Variants in RASSF2 observed in about 807,000 individuals in gnomAD.
The protein encoded by RASSF2 is Ras association domain family member 2.
A neutral mutation model predicts 46.3 loss-of-function variants in RASSF2; 34 were observed. That is an observed-to-expected ratio of 0.73 (90% CI 0.56 to 0.98). The LOEUF (loss-of-function observed/expected upper bound fraction) is 0.98, where lower values mean the gene tolerates loss of function less well. RASSF2 is among the 50% of genes least tolerant of loss of function. RASSF2 has a pLI of 0.00. For synonymous variants in RASSF2, 158 were observed against 162.5 expected, an observed-to-expected ratio of 0.97 and a Z score of 0.21; for missense variants, 364 against 431.2, an observed-to-expected ratio of 0.84 and a Z score of 1.38.
chr20:4,799,704 G>A (rs2122547461), intron 3 of RASSF2, among the ~76,000 whole-genome samples: 1 of 152,338 alleles, frequency 6.6e-6, no homozygotes, highest in Non-Finnish European at 1.5e-5. Flanking sequence ...AGAAGTCCCT[G>A]GGGAAATCTG....
rs1925088730 is a variant in RASSF2, at chr20:4,784,283, G to A, written c.971C>T (p.Ala324Val). The part of the protein sequence containing the change: ...QRLEEIAETP[A>V]TI ...CCTCGTTCTCATGGCTCAGATTGTT[G>A]CTGGGGTCTCGGCTATCTCCTCCAG... Residue 324 changes from alanine to valine, a missense_variant, in exon 12 of 12, where the codon GCA (alanine) becomes GTA (valine). Coordinates refer to ENST00000379400, the MANE Select transcript of RASSF2 (RefSeq NM_014737.3). The A allele has an allele frequency of 6.2e-7, 1 of 1,613,532 alleles. No individual in the cohort carries two copies. Among genetic ancestry groups the A allele is most frequent in the Non-Finnish European group, 8.5e-7 (1 of 1,179,624 alleles).
intron 2 of RASSF2, among the ~76,000 whole-genome samples, chr20:4,809,584 C>T (rs1927607419): frequency 6.6e-6 from 1 of 152,198 alleles, no homozygotes; most frequent in South Asian, 2.1e-4. Context: ...TGTGCCTCTC[C>T]TGCACCCGGG....
chr20:4,798,128 G>A, intron 3 of RASSF2, 43 bp from the exon 4 acceptor site: 2 of 1,609,356 alleles, frequency 1.2e-6, no homozygotes, highest in Non-Finnish European at 1.7e-6. Context: ...ATCAGCTGAA[G>A]CCACTTATAA....
At chr20:4,821,292 A>G (rs978198245) in intron 2 of RASSF2, among the ~76,000 whole-genome samples, 1 of 152,098 alleles carries the variant, frequency 6.6e-6, no homozygotes, top group East Asian at 1.9e-4. Flanking sequence ...CCATGTGGAG[A>G]TGGAGAGAGG....
At chr20:4,814,007 G>A (rs1220984659) in intron 2 of RASSF2, among the ~76,000 whole-genome samples, 7 of 152,150 alleles carry the variant, frequency 4.6e-5, no homozygotes, top group Non-Finnish European at 8.8e-5. Flanking sequence ...AGGGGAGAGT[G>A]GAAAGTTGGT....
In RASSF2 at chr20:4,787,283, G is replaced by A. The variant is rs181876739; in HGVS notation, c.813+350C>T. On this transcript the variant is annotated intron_variant, in intron 10 of 11. Coordinates refer to ENST00000379400, the MANE Select transcript of RASSF2 (RefSeq NM_014737.3). ...GATTTGGCCTGGTTTCTCATGCTCCGCCATCTGCCATGAGGACCACACCCA... is the reference window on the plus strand; with the variant it reads ...GATTTGGCCTGGTTTCTCATGCTCCACCATCTGCCATGAGGACCACACCCA... Among the ~76,000 whole-genome samples, 294 of 152,226 alleles carry A rather than the reference G, an allele frequency of 1.9e-3. 2 individuals are homozygous for A. The highest frequency in any genetic ancestry group is 6.8e-3 in the African/African-American group (281 of 41,538).
chr20:4,807,316 T>A (rs1228529935), intron 2 of RASSF2, among the ~76,000 whole-genome samples: 1 of 141,748 alleles, frequency 7.1e-6, no homozygotes, highest in Admixed American at 7.0e-5. Context: ...GTGAAAATTT[T>A]AAACTTCTGT....
rs1318168182 is a variant in RASSF2, at chr20:4,783,618, T to C, written c.*655A>G. ...CCAGTGTAAAAATACGTGGGCTTAT[T>C]GCATCTACCCCACGGATGGTTTATC... On this transcript the variant is annotated 3_prime_UTR_variant, in exon 12 of 12. Coordinates refer to ENST00000379400, the MANE Select transcript of RASSF2 (RefSeq NM_014737.3). 1.3e-5 allele frequency: 2 copies of C among 152,704 alleles called. No individual in the cohort carries two copies. The highest frequency in any genetic ancestry group is 3.8e-4 in the East Asian group (2 of 5,198). The allele number at this position is 152,704 out of a possible 1,614,324, so 9.5% of individuals were successfully genotyped here. A position where few individuals can be genotyped will look rare whatever the true frequency, so the allele number is the denominator to read the frequency against.
Position 4,782,931 on chromosome 20 carries a change from C to T in RASSF2, c.*1342G>A, listed in dbSNP as rs1263145606. 1 of 152,256 alleles carries T rather than the reference C, an allele frequency of 6.6e-6. No individual in the cohort carries two copies. 9.4% of individuals were successfully genotyped at this position (152,256 alleles called of 1,614,324 possible). Reference sequence around the variant, plus strand: ...CAAACGATATCAGCTGCACTGATGCCCAGCTGCCTGTCAAGCTTCCTGATA... The same window carrying T: ...CAAACGATATCAGCTGCACTGATGCTCAGCTGCCTGTCAAGCTTCCTGATA... On this transcript the variant is annotated 3_prime_UTR_variant, in exon 12 of 12. Transcript: ENST00000379400.
rs6052883 is a variant in RASSF2 at position 4,795,652 on chromosome 20, T to G, written c.287+163A>C. On this transcript the variant is annotated intron_variant, in intron 5 of 11. Transcript: ENST00000379400. This position sits in a 1 kb window ranked among gnomAD's most constrained non-coding sequence, Gnocchi z 4.0. ...GGGGCTCAATCACAACCACATCTGC[T>G]GCTTGTTCCTCATTCCAAGGCTAAG... The G allele has an allele frequency of 2.6e-6, 2 of 772,184 alleles. No individual in the cohort carries two copies. The highest frequency in any genetic ancestry group is 3.0e-5 in the Admixed American group (1 of 33,806). 47.8% of individuals were successfully genotyped at this position (772,184 alleles called of 1,614,324 possible). A position where few individuals can be genotyped will look rare whatever the true frequency, so the allele number is the denominator to read the frequency against.
rs568030215 is a variant in RASSF2, at chr20:4,780,079, T to G, written c.*4194A>C. ...TCTAAGTCAGATGCATTAAAACATA[T>G]CAAAATGTTACAAAAATGTATGGCT... On this transcript the variant is annotated 3_prime_UTR_variant, in exon 12 of 12. Transcript: ENST00000379400. 6.5e-6 allele frequency: 1 copy of G among 152,672 alleles called. No homozygotes were observed. Among genetic ancestry groups the G allele is most frequent in the African/African-American group, 2.4e-5 (1 of 41,550 alleles). 9.5% of individuals were successfully genotyped at this position (152,672 alleles called of 1,614,324 possible).
chr20:4,786,911 C>A (rs566535820), intron 10 of RASSF2, among the ~76,000 whole-genome samples: 2 of 152,114 alleles, frequency 1.3e-5, no homozygotes, highest in South Asian at 2.1e-4. Flanking sequence ...GGTGAAACCC[C>A]GTCTCTACTA....
intron 2 of RASSF2, among the ~76,000 whole-genome samples, chr20:4,821,918 T>C (rs779354368): frequency 3.3e-5 from 5 of 152,252 alleles, no homozygotes; most frequent in Non-Finnish European, 7.3e-5. Context: ...CAAGGGTCTC[T>C]GATCCCAAAT....
intron 2 of RASSF2, among the ~76,000 whole-genome samples, chr20:4,803,731 T>C (rs1166675094): frequency 1.3e-5 from 2 of 151,738 alleles, no homozygotes; most frequent in Non-Finnish European, 2.9e-5. Context: ...CACTCTAGCC[T>C]GGGCAACAGA....
At chr20:4,786,805 C>T (rs1036754982) in intron 10 of RASSF2, among the ~76,000 whole-genome samples, 11 of 152,200 alleles carry the variant, frequency 7.2e-5, no homozygotes, top group Middle Eastern at 3.4e-3. Flanking sequence ...AAAACGGTGC[C>T]AGGCATCGTG....
chr20:4,798,058 G>T lies in RASSF2; in HGVS notation c.87C>A (p.Thr29=). The T allele has an allele frequency of 3.1e-6, 5 of 1,613,836 alleles. No homozygotes were observed. The highest frequency in any genetic ancestry group is 4.2e-6 in the Non-Finnish European group (5 of 1,179,858). Residue 29 remains threonine (T), a synonymous_variant, in exon 4 of 12, where the codon ACC becomes ACA. Transcript: ENST00000379400. ...SKNELLLHLK[T]YNLYYEGQNL... ...TCTGGCCTTCATAGTACAAGTTGTA[G>T]GTCTTCAGATGCAAGAGAAGTTCAT...
In RASSF2 at chr20:4,815,289, C is replaced by A. The variant is rs561381991; in HGVS notation, c.-33+7040G>T. On this transcript the variant is annotated intron_variant, in intron 2 of 11. Transcript: ENST00000379400. Reference sequence around the variant, plus strand: ...CCCCAACTACGTGGCACCATGGCCCCGACTGTACACAAAAGAGCCATCCTT... The same window carrying A: ...CCCCAACTACGTGGCACCATGGCCCAGACTGTACACAAAAGAGCCATCCTT... Among the ~76,000 whole-genome samples the A allele has an allele frequency of 7.2e-5, 11 of 152,154 alleles. 1 individual carries two copies. Among genetic ancestry groups the A allele is most frequent in the Middle Eastern group, 6.3e-3 (2 of 316 alleles).
intron 4 of RASSF2, among the ~76,000 whole-genome samples, chr20:4,797,224 G>A (rs1364610600): frequency 6.6e-5 from 10 of 152,180 alleles, no homozygotes; most frequent in Non-Finnish European, 1.3e-4. Flanking sequence ...TCTAAGTGGA[G>A]TGGTTTGAGG....
In RASSF2 at chr20:4,800,544, T is replaced by C. The variant is rs572445298; in HGVS notation, c.59+428A>G. 3.0e-4 allele frequency among the ~76,000 whole-genome samples: 46 copies of C among 152,284 alleles called. 1 individual carries two copies. The highest frequency in any genetic ancestry group is 2.7e-3 in the Admixed American group (41 of 15,288). ...GGAAAAACAATCTCCCTTGGCCTTT[T>C]ATAAGGGTACTTAGATCTAATCACA... On this transcript the variant is annotated intron_variant, in intron 3 of 11. Coordinates refer to ENST00000379400, the MANE Select transcript of RASSF2 (RefSeq NM_014737.3).
Sources: allele counts gnomAD v4.1 joint callset (sites outside exome capture counted in the v4.1 genomes callset), GRCh38; gene constraint gnomAD v4.1.1; non-coding constraint Gnocchi (gnomAD v3.1); transcripts MANE v1.5; gene names NCBI Gene and HGNC (gene_info 2026-07-23, HGNC 2026-07-21).